TTLL5: variants seen among roughly 807,000 people sequenced by gnomAD.
TTLL5 encodes the protein tubulin polyglutamylase TTLL5.
In TTLL5, 132 loss-of-function variants were observed where a neutral mutation model predicts 168.4. That is an observed-to-expected ratio of 0.78 (90% CI 0.68 to 0.91). TTLL5 has a LOEUF of 0.91. Ranked by LOEUF, TTLL5 falls within the 40% of genes least tolerant of loss-of-function variation. The pLI is 0.00. For missense variants in TTLL5, 1,545 were observed against 1,581.5 expected, an observed-to-expected ratio of 0.98 and a Z score of 0.39; for synonymous variants, 546 against 558.6, an observed-to-expected ratio of 0.98 and a Z score of 0.32.
intron 15 of TTLL5, among the ~76,000 whole-genome samples, chr14:75,738,894 TC>T (rs1438966418): frequency 1.3e-5 from 2 of 152,186 alleles, no homozygotes; most frequent in Non-Finnish European, 2.9e-5. Flanking sequence ...AGCCTGGACT[TC>T]CTGGGCTCAG....
chr14:75,842,796 C>G (rs1295061493), intron 28 of TTLL5, among the ~76,000 whole-genome samples: 3 of 152,190 alleles, frequency 2.0e-5, no homozygotes, highest in African/African-American at 7.2e-5. Context: ...TATTCTCACA[C>G]TCTTCCTGTA....
chr14:75,933,619 C>T (rs975407945), intron 31 of TTLL5, among the ~76,000 whole-genome samples: 4 of 152,192 alleles, frequency 2.6e-5, no homozygotes, highest in Non-Finnish European at 5.9e-5. Flanking sequence ...GGATCTGCCT[C>T]CAAGTTGTGG....
At chr14:75,691,061 G>A (rs1010532742) in intron 6 of TTLL5, among the ~76,000 whole-genome samples, 2 of 152,126 alleles carry the variant, frequency 1.3e-5, no homozygotes, top group South Asian at 2.1e-4. Flanking sequence ...TAGAGATATC[G>A]CATATCTTTG....
intron 28 of TTLL5, among the ~76,000 whole-genome samples, chr14:75,823,797 A>G (rs1363199097): frequency 6.6e-6 from 1 of 152,224 alleles, no homozygotes; most frequent in African/African-American, 2.4e-5. Context: ...TCTAGAGAAC[A>G]TCTGTATGAA....
At chr14:75,819,383 A>G (rs1894700631) in intron 27 of TTLL5, among the ~76,000 whole-genome samples, 1 of 152,224 alleles carries the variant, frequency 6.6e-6, no homozygotes, top group African/African-American at 2.4e-5. Flanking sequence ...AATATTGTAT[A>G]CCAAAGTGAT....
chr14:75,830,795 A>G (rs1002704935), intron 28 of TTLL5, among the ~76,000 whole-genome samples: 4 of 152,176 alleles, frequency 2.6e-5, no homozygotes, highest in Admixed American at 6.5e-5. Context: ...ATGTACAAAT[A>G]TTGAGTAAAA....
chr14:75,796,413 A>G (rs1442061302), intron 27 of TTLL5, among the ~76,000 whole-genome samples: 1 of 152,116 alleles, frequency 6.6e-6, no homozygotes, highest in Non-Finnish European at 1.5e-5. Context: ...TGCCTGCAGA[A>G]GCTTTTTAGT....
chr14:75,810,269 T>C (rs956325945), intron 27 of TTLL5, among the ~76,000 whole-genome samples: 2 of 152,170 alleles, frequency 1.3e-5, no homozygotes, highest in Non-Finnish European at 2.9e-5. Flanking sequence ...ATGGCAAGAT[T>C]ATAAACTGCA....
At chr14:75,877,466 C>G (rs1410108995) in intron 29 of TTLL5, among the ~76,000 whole-genome samples, 1 of 152,134 alleles carries the variant, frequency 6.6e-6, no homozygotes, top group Admixed American at 6.5e-5. Flanking sequence ...AGTCTTTTGC[C>G]TGGGGCCAAG....
At chr14:75,913,045 A>G (rs1048466095) in intron 31 of TTLL5, among the ~76,000 whole-genome samples, 2 of 152,210 alleles carry the variant, frequency 1.3e-5, no homozygotes, top group African/African-American at 4.8e-5. Context: ...TGATTGCTTG[A>G]TAAGAACTAG....
intron 31 of TTLL5, among the ~76,000 whole-genome samples, chr14:75,915,859 GGCTC>G (rs2033597656): frequency 6.6e-6 from 1 of 152,186 alleles, no homozygotes; most frequent in Non-Finnish European, 1.5e-5. Flanking sequence ...CGGACATGGT[GGCTC>G]CTGCCTGTAA....
At chr14:75,946,986 G>A (rs2034795524) in intron 31 of TTLL5, among the ~76,000 whole-genome samples, 1 of 152,218 alleles carries the variant, frequency 6.6e-6, no homozygotes, top group Non-Finnish European at 1.5e-5. Flanking sequence ...AGAGAGCAGA[G>A]GAGAGTGAGA....
intron 28 of TTLL5, among the ~76,000 whole-genome samples, chr14:75,846,387 C>A (rs2139867807): frequency 6.6e-6 from 1 of 152,254 alleles, no homozygotes; most frequent in African/African-American, 2.4e-5. Context: ...TCAATCAACA[C>A]TTCTTGTAAA....
intron 3 of TTLL5, among the ~76,000 whole-genome samples, chr14:75,678,213 A>G (rs1884331456): frequency 1.3e-5 from 2 of 152,252 alleles, no homozygotes; most frequent in South Asian, 4.1e-4. Flanking sequence ...AAACCTTCAG[A>G]CAAGTTACAA....
At chr14:75,801,568 T>G (rs1267079111) in intron 27 of TTLL5, among the ~76,000 whole-genome samples, 2 of 152,230 alleles carry the variant, frequency 1.3e-5, no homozygotes, top group African/African-American at 4.8e-5. Context: ...TTATTCATGC[T>G]AACTATATTT....
In TTLL5 at chr14:75,954,622, T is replaced by C. The variant is rs1189739951; in HGVS notation, c.*176T>C. ...GTTGCCAATCAGCCAATGCAGACTT[T>C]CACTGGGACAACAAGAAAGCAGATC... On this transcript the variant is annotated 3_prime_UTR_variant, in exon 32 of 32. Transcript: ENST00000298832. 6.2e-6 allele frequency: 4 copies of C among 641,096 alleles called. No homozygotes were observed. The East Asian group carries it at 1.1e-4, about 17-fold the overall frequency. 39.7% of individuals were successfully genotyped at this position (641,096 alleles called of 1,614,324 possible). A position where few individuals can be genotyped will look rare whatever the true frequency, so the allele number is the denominator to read the frequency against.
intron 19 of TTLL5, 49 bp downstream of exon 19, chr14:75,764,821 G>T: frequency 6.2e-7 from 1 of 1,607,350 alleles, no homozygotes; most frequent in East Asian, 2.2e-5. Context: ...GATCCTGCCA[G>T]ACTGAGTTAA....
chr14:75,889,609 C>T (rs1395557459), intron 30 of TTLL5, among the ~76,000 whole-genome samples: 1 of 152,058 alleles, frequency 6.6e-6, no homozygotes, highest in African/African-American at 2.4e-5. Context: ...GTGGGGATCA[C>T]CGGAGGTCAG....
chr14:75,667,105 T>C (rs1461335265), intron 2 of TTLL5, among the ~76,000 whole-genome samples: 1 of 152,214 alleles, frequency 6.6e-6, no homozygotes, highest in Non-Finnish European at 1.5e-5. Context: ...TTACTCTCTC[T>C]TTTATCTTTC....
Sources: gnomAD v4.1 joint callset for allele counts (sites outside exome capture counted in the v4.1 genomes callset) on GRCh38, gnomAD v4.1.1 for gene constraint, MANE v1.5 for transcripts, NCBI Gene and HGNC (gene_info 2026-07-23, HGNC 2026-07-21) for gene names.